PSTPIP2: variants seen among roughly 807,000 people sequenced by gnomAD.
PSTPIP2 encodes proline-serine-threonine phosphatase-interacting protein 2.
In PSTPIP2, 33 loss-of-function variants were observed where a neutral mutation model predicts 63.3. That is an observed-to-expected ratio of 0.52 (90% CI 0.40 to 0.70). The LOEUF is 0.70. Among genes scored for constraint, PSTPIP2 ranks in the 30% least tolerant of loss-of-function variants. The pLI is 0.00. For missense variants in PSTPIP2, 312 were observed against 400.7 expected (o/e 0.78, Z 1.89); for synonymous variants, 125 against 132.7 (o/e 0.94, Z 0.40).
At chr18:46,010,554 T>C (rs1282911846) in intron 5 of PSTPIP2, among the ~76,000 whole-genome samples, 2 of 152,218 alleles carry the variant, frequency 1.3e-5, no homozygotes, top group Non-Finnish European at 2.9e-5. Flanking sequence ...CTAGTCTAAC[T>C]AACACTTTGA....
At chr18:46,060,252 A>G (rs948425907) in intron 1 of PSTPIP2, among the ~76,000 whole-genome samples, 1 of 152,090 alleles carries the variant, frequency 6.6e-6, no homozygotes, top group African/African-American at 2.4e-5. Flanking sequence ...ATTTCACTGC[A>G]ATTCCTTAAA....
intron 14 of PSTPIP2, among the ~76,000 whole-genome samples, chr18:45,987,828 A>C (rs1159684125): frequency 6.6e-6 from 1 of 152,200 alleles, no homozygotes; most frequent in Admixed American, 6.5e-5. Flanking sequence ...CTGAGTGCCT[A>C]AGAAAAAGTC....
chr18:46,044,659 G>A (rs1319284329), intron 1 of PSTPIP2, among the ~76,000 whole-genome samples: 1 of 151,946 alleles, frequency 6.6e-6, no homozygotes, highest in African/African-American at 2.4e-5. Flanking sequence ...TTGACAAATG[G>A]GATCTAATTC....
chr18:46,038,224 T>C (rs1213625735), intron 2 of PSTPIP2, among the ~76,000 whole-genome samples: 1 of 152,210 alleles, frequency 6.6e-6, no homozygotes, highest in Non-Finnish European at 1.5e-5. Flanking sequence ...TAAATACTAT[T>C]GGATAAATTA....
chr18:46,025,367 A>C (rs1165578854), intron 2 of PSTPIP2, among the ~76,000 whole-genome samples: 1 of 152,216 alleles, frequency 6.6e-6, no homozygotes, highest in African/African-American at 2.4e-5. Context: ...AAAGGTAGAC[A>C]GTCTAAAACA....
intron 9 of PSTPIP2, among the ~76,000 whole-genome samples, chr18:45,994,694 C>A (rs796153226): frequency 2.6e-5 from 4 of 152,124 alleles, no homozygotes; most frequent in Non-Finnish European, 5.9e-5. Flanking sequence ...GTACTCATCA[C>A]CAGCTTAAAC....
chr18:46,038,128 A>G (rs1442883453), intron 2 of PSTPIP2, among the ~76,000 whole-genome samples: 3 of 152,188 alleles, frequency 2.0e-5, no homozygotes, highest in African/African-American at 7.2e-5. Flanking sequence ...TGGTGCAATC[A>G]GAGCTCACTG....
chr18:46,019,069 C>T (rs12455236), intron 3 of PSTPIP2, among the ~76,000 whole-genome samples: 1,856 of 152,058 alleles, frequency 0.012, 45 homozygotes, highest in Admixed American at 0.054. Flanking sequence ...CTTCCTTAAG[C>T]GAACTCCCTC....
intron 4 of PSTPIP2, among the ~76,000 whole-genome samples, chr18:46,014,833 T>C (rs916999431): frequency 5.9e-4 from 90 of 152,314 alleles, no homozygotes; most frequent in Admixed American, 5.8e-3. Flanking sequence ...AAATACTAAG[T>C]AGGCAACAGG....
At chr18:46,010,718 T>A (rs1203318520) in intron 5 of PSTPIP2, 1 of 155,376 alleles carries the variant, frequency 6.4e-6, no homozygotes, top group Non-Finnish European at 1.4e-5. Context: ...GTACTCGGAG[T>A]TCCCAGGGCT....
intron 2 of PSTPIP2, among the ~76,000 whole-genome samples, chr18:46,026,419 C>T (rs1190056004): frequency 6.6e-6 from 1 of 152,136 alleles, no homozygotes; most frequent in Non-Finnish European, 1.5e-5. Flanking sequence ...TGCCTTATTC[C>T]TATTAATTTG....
chr18:46,025,732 T>C (rs757660911), intron 2 of PSTPIP2, among the ~76,000 whole-genome samples: 3 of 151,074 alleles, frequency 2.0e-5, no homozygotes, highest in Non-Finnish European at 4.4e-5. Flanking sequence ...AAAACCTAAA[T>C]GAACATCTGA....
intron 2 of PSTPIP2, among the ~76,000 whole-genome samples, chr18:46,036,719 C>T (rs1012486803): frequency 2.6e-5 from 4 of 152,064 alleles, no homozygotes; most frequent in Non-Finnish European, 5.9e-5. Flanking sequence ...TTCCTAGTTT[C>T]GGTAATGGAG....
intron 5 of PSTPIP2, among the ~76,000 whole-genome samples, chr18:46,007,613 T>G (rs2144078262): frequency 1.3e-5 from 2 of 152,330 alleles, no homozygotes; most frequent in Admixed American, 1.3e-4. Context: ...TCCAAAGTCT[T>G]TTCTAGTCTG....
In PSTPIP2 at chr18:46,033,698, GAA is replaced by G. The variant is rs35450100; in HGVS notation, c.134+6247_134+6248del. 7.2e-3 allele frequency among the ~76,000 whole-genome samples: 745 copies of G among 103,088 alleles called. 5 individuals are homozygous for G. Among genetic ancestry groups the G allele is most frequent in the African/African-American group, 0.022 (574 of 25,920 alleles). 67.6% of individuals were successfully genotyped at this position (103,088 alleles called of 152,430 possible). A position where few individuals can be genotyped will look rare whatever the true frequency, so the allele number is the denominator to read the frequency against. On this transcript the variant is annotated intron_variant, in intron 2 of 14. Coordinates refer to ENST00000409746, the MANE Select transcript of PSTPIP2 (RefSeq NM_024430.4). ...GGGGGACAGAGTGAGACTCCATCTC[GAA>G]AAAAAAAAAAAAAAAAGACAATGTG...
intron 1 of PSTPIP2, among the ~76,000 whole-genome samples, chr18:46,058,581 A>C (rs1258075685): frequency 6.6e-6 from 1 of 151,960 alleles, no homozygotes; most frequent in Non-Finnish European, 1.5e-5. Flanking sequence ...GGCTGGTCTC[A>C]AACTCCTGAC....
chr18:46,072,064 C>T, intron 1 of PSTPIP2, 92 bp downstream of exon 1: 1 of 1,426,466 alleles, frequency 7.0e-7, no homozygotes, highest in Admixed American at 3.0e-5. Flanking sequence ...CGAGTGGCGC[C>T]GGAGCTGGGG....
intron 2 of PSTPIP2, among the ~76,000 whole-genome samples, chr18:46,037,774 C>A (rs959790875): frequency 1.3e-5 from 2 of 152,196 alleles, no homozygotes; most frequent in Non-Finnish European, 2.9e-5. Flanking sequence ...CCAGGGCATG[C>A]CCATCTGACA....
intron 2 of PSTPIP2, among the ~76,000 whole-genome samples, chr18:46,030,342 C>T (rs1422011951): frequency 6.6e-6 from 1 of 151,670 alleles, no homozygotes; most frequent in Non-Finnish European, 1.5e-5. Context: ...TCTTAATAAA[C>T]ATGTGGCAGC....
Sources: gnomAD v4.1 joint callset for allele counts (sites outside exome capture counted in the v4.1 genomes callset) on GRCh38, gnomAD v4.1.1 for gene constraint, MANE v1.5 for transcripts, NCBI Gene and HGNC (gene_info 2026-07-23, HGNC 2026-07-21) for gene names.